ARHGAP10: variants seen among roughly 807,000 people sequenced by gnomAD.
The protein encoded by ARHGAP10 is rho GTPase-activating protein 10.
A neutral mutation model predicts 108.6 loss-of-function variants in ARHGAP10; 87 were observed. That is an observed-to-expected ratio of 0.80 (90% CI 0.67 to 0.96). The LOEUF (loss-of-function observed/expected upper bound fraction) is 0.96, where lower values mean the gene tolerates loss of function less well. Ranked by LOEUF, ARHGAP10 falls within the 40% of genes least tolerant of loss-of-function variation. The pLI is 0.00. For missense variants in ARHGAP10, 939 were observed against 954.5 expected (o/e 0.98, Z 0.21); for synonymous variants, 347 against 341.1 (o/e 1.02, Z -0.19).
chr4:148,064,430 A>G lies in ARHGAP10; in HGVS notation c.2195A>G (p.Lys732Arg). 6.2e-7 allele frequency: 1 copy of G among 1,613,592 alleles called. No homozygotes were observed. Among genetic ancestry groups the G allele is most frequent in the Non-Finnish European group, 8.5e-7 (1 of 1,179,864 alleles). The change falls in exon 22 of 23, where the codon AAG becomes AGG. Residue 732 changes from lysine to arginine, a missense_variant. Transcript: ENST00000336498. ...DKPPESIRSR[K>R]ARAVYPCEAE... ...TTTCTTTTCAGCATCCGCAGTCGGA[A>G]GGCTCGAGCCGTGTATCCGTGTGAA...
At chr4:147,914,785 T>C (rs986468064) in intron 13 of ARHGAP10, among the ~76,000 whole-genome samples, 25 of 152,184 alleles carry the variant, frequency 1.6e-4, no homozygotes, top group African/African-American at 5.3e-4. Flanking sequence ...ATTTGGGTTG[T>C]TTGTGTTTCT....
intron 1 of ARHGAP10, among the ~76,000 whole-genome samples, chr4:147,794,850 T>C (rs1231653370): frequency 1.3e-5 from 2 of 152,230 alleles, no homozygotes; most frequent in Admixed American, 1.3e-4. Flanking sequence ...TGTTCTATCA[T>C]GTAAGTATAG....
intron 11 of ARHGAP10, among the ~76,000 whole-genome samples, chr4:147,908,441 C>T (rs1736590913): frequency 1.3e-5 from 2 of 152,156 alleles, no homozygotes; most frequent in Admixed American, 6.5e-5. Flanking sequence ...ACGTATATAA[C>T]CTCTCTTTTA....
At chr4:147,912,587 ATATATATATAT>A (rs1736799681) in intron 12 of ARHGAP10, among the ~76,000 whole-genome samples, 2 of 128,066 alleles carry the variant, frequency 1.6e-5, no homozygotes, top group South Asian at 2.4e-4. Context: ...ATATATATAT[ATATATATATAT>A]AAAATTCCTG....
intron 19 of ARHGAP10, among the ~76,000 whole-genome samples, chr4:148,032,882 C>T (rs183738136): frequency 6.6e-5 from 10 of 152,256 alleles, no homozygotes; most frequent in South Asian, 6.2e-4. Context: ...AGAAAGATGA[C>T]GGCTGTGGAA....
intron 1 of ARHGAP10, among the ~76,000 whole-genome samples, chr4:147,820,600 T>G (rs1732451950): frequency 7.1e-6 from 1 of 140,692 alleles, no homozygotes; most frequent in South Asian, 2.4e-4. Flanking sequence ...TTTTTTTTTT[T>G]TTTTTTTTTT....
At chr4:148,067,290 T>C (rs1025413337) in intron 22 of ARHGAP10, among the ~76,000 whole-genome samples, 2 of 152,228 alleles carry the variant, frequency 1.3e-5, no homozygotes, top group Non-Finnish European at 2.9e-5. Flanking sequence ...AGGGTTTATC[T>C]GTGTGTGTGT....
At chr4:147,998,286 T>C (rs1052134981) in intron 18 of ARHGAP10, among the ~76,000 whole-genome samples, 1 of 152,126 alleles carries the variant, frequency 6.6e-6, no homozygotes, top group Admixed American at 6.5e-5. Context: ...ATAATAGATA[T>C]ACAGTGCATA....
chr4:147,813,856 C>G (rs1212324034), intron 1 of ARHGAP10, among the ~76,000 whole-genome samples: 1 of 152,218 alleles, frequency 6.6e-6, no homozygotes, highest in Non-Finnish European at 1.5e-5. Flanking sequence ...TTTCCTTTCC[C>G]ATCGAAAGGA....
At chr4:147,967,635 C>G (rs1037794716) in intron 18 of ARHGAP10, among the ~76,000 whole-genome samples, 1 of 152,186 alleles carries the variant, frequency 6.6e-6, no homozygotes, top group Non-Finnish European at 1.5e-5. Context: ...TCCCAAATTA[C>G]TGTTATTTTC....
chr4:147,996,674 T>C (rs930946209), intron 18 of ARHGAP10, among the ~76,000 whole-genome samples: 1 of 152,242 alleles, frequency 6.6e-6, no homozygotes, highest in African/African-American at 2.4e-5. Context: ...CCATTTGTTA[T>C]GGACTAAACT....
intron 3 of ARHGAP10, among the ~76,000 whole-genome samples, chr4:147,839,332 G>T (rs550435994): frequency 6.6e-6 from 1 of 152,280 alleles, no homozygotes; most frequent in African/African-American, 2.4e-5. Context: ...GGAGAAAATA[G>T]GGGAGATATT....
intron 1 of ARHGAP10, among the ~76,000 whole-genome samples, chr4:147,799,075 C>T (rs1388750611): frequency 2.0e-5 from 3 of 151,646 alleles, no homozygotes; most frequent in Admixed American, 2.0e-4. Context: ...CACTCTGTCA[C>T]CCAGGCTGGA....
intron 19 of ARHGAP10, among the ~76,000 whole-genome samples, chr4:148,025,791 T>C (rs972155073): frequency 5.3e-5 from 8 of 152,190 alleles, no homozygotes; most frequent in African/African-American, 1.9e-4. Context: ...CTTGAAGGTT[T>C]CAAAAAGTTT....
chr4:148,067,765 G>A (rs1028816382), intron 22 of ARHGAP10, among the ~76,000 whole-genome samples: 1 of 152,100 alleles, frequency 6.6e-6, no homozygotes, highest in Non-Finnish European at 1.5e-5. Flanking sequence ...CAGTAGTTAT[G>A]CGTTTGGGAT....
At chr4:147,908,322 A>G (rs1736584855) in intron 11 of ARHGAP10, among the ~76,000 whole-genome samples, 1 of 152,216 alleles carries the variant, frequency 6.6e-6, no homozygotes. Flanking sequence ...ATTTGCATCC[A>G]TTAAAATACA....
At chr4:148,066,533 A>G (rs1405791997) in intron 22 of ARHGAP10, among the ~76,000 whole-genome samples, 1 of 152,232 alleles carries the variant, frequency 6.6e-6, no homozygotes, top group African/African-American at 2.4e-5. Flanking sequence ...GAGTCTTCCT[A>G]AAAAGAAAGT....
chr4:148,024,273 C>T (rs1741684810), intron 19 of ARHGAP10, among the ~76,000 whole-genome samples: 1 of 152,122 alleles, frequency 6.6e-6, no homozygotes, highest in Admixed American at 6.5e-5. Flanking sequence ...TGAAAGTAGT[C>T]TTCATTCTTC....
intron 10 of ARHGAP10, among the ~76,000 whole-genome samples, chr4:147,900,599 A>G (rs1736197840): frequency 6.6e-6 from 1 of 152,190 alleles, no homozygotes; most frequent in African/African-American, 2.4e-5. Flanking sequence ...AGTGTGGTTT[A>G]AGTGAATTAT....
Sources: allele counts gnomAD v4.1 joint callset (sites outside exome capture counted in the v4.1 genomes callset), GRCh38; gene constraint gnomAD v4.1.1; transcripts MANE v1.5; gene names NCBI Gene and HGNC (gene_info 2026-07-23, HGNC 2026-07-21).